PCDH9: variants seen among roughly 807,000 people sequenced by gnomAD.
PCDH9 encodes the protein protocadherin 9, also known as protocadherin-9.
PCDH9 carries 24 observed loss-of-function variants against 70.6 expected under a neutral mutation model. The ratio of observed to expected loss-of-function variants is 0.34; its 90% CI spans 0.25 to 0.48. The LOEUF (loss-of-function observed/expected upper bound fraction) is 0.48. PCDH9 is among the 20% of genes least tolerant of loss of function. The pLI, the probability that PCDH9 is intolerant of heterozygous loss-of-function variation, is 0.99. For synonymous variants in PCDH9, 562 were observed against 558.5 expected (o/e 1.01, Z -0.09); for missense variants, 1,281 against 1,503.6 (o/e 0.85, Z 2.45).
At chr13:67,202,314 G>T (rs1240238528) in intron 2 of PCDH9, 1 of 151,992 alleles carries the variant, frequency 6.6e-6, no homozygotes, top group African/African-American at 2.4e-5. Flanking sequence ...GATGATTATA[G>T]AATTACATAT....
intron 2 of PCDH9, among the ~76,000 whole-genome samples, chr13:67,021,448 T>G (rs2084670290): frequency 6.6e-6 from 1 of 152,244 alleles, no homozygotes; most frequent in Non-Finnish European, 1.5e-5. Context: ...CATAAAAGTT[T>G]TTGATACTAG....
chr13:66,533,204 T>C (rs1398471717), intron 4 of PCDH9, among the ~76,000 whole-genome samples: 1 of 152,134 alleles, frequency 6.6e-6, no homozygotes, highest in African/African-American at 2.4e-5. Flanking sequence ...CATGGGTATA[T>C]TCCAGACTCT....
At chr13:67,150,858 T>C (rs2087639750) in intron 2 of PCDH9, among the ~76,000 whole-genome samples, 1 of 152,200 alleles carries the variant, frequency 6.6e-6, no homozygotes, top group Non-Finnish European at 1.5e-5. Context: ...GCACAGTTAG[T>C]CTTTAATCCC....
At position 66,375,198 on chromosome 13, in the gene PCDH9, T is replaced by TA. The variant is rs565574507; in HGVS notation, c.3341-70171dup. On this transcript the variant is annotated intron_variant, in intron 4 of 4. Transcript: ENST00000377865. ...AAGACAATTTTTCTGTAATTCCATATAATTACTCAGGTGCCTACTGATAAT... is the reference window on the plus strand; with the variant it reads ...AAGACAATTTTTCTGTAATTCCATATAAATTACTCAGGTGCCTACTGATAAT... Among the ~76,000 whole-genome samples the TA allele has an allele frequency of 2.9e-4, 44 of 152,226 alleles. No individual in the cohort carries two copies. In the East Asian group the frequency reaches 6.9e-3, roughly 24 times the overall value.
At chr13:66,554,924 C>T (rs949367580) in intron 4 of PCDH9, among the ~76,000 whole-genome samples, 2 of 152,074 alleles carry the variant, frequency 1.3e-5, no homozygotes. Flanking sequence ...AATCCTAGCA[C>T]TTTGGGAGGC....
At chr13:66,733,111 T>C (rs1381285588) in intron 3 of PCDH9, among the ~76,000 whole-genome samples, 1 of 152,152 alleles carries the variant, frequency 6.6e-6, no homozygotes, top group African/African-American at 2.4e-5. Context: ...TAGATCATTA[T>C]CCTATAAAGA....
At chr13:67,123,873 T>A (rs1215107421) in intron 2 of PCDH9, among the ~76,000 whole-genome samples, 1 of 151,574 alleles carries the variant, frequency 6.6e-6, no homozygotes, top group Admixed American at 6.6e-5. Context: ...GCATGTATAT[T>A]ATATATAAAT....
chr13:67,227,187 T>C lies in PCDH9; in HGVS notation c.1254A>G (p.Gln418=), dbSNP rs777131951. 9.3e-6 allele frequency: 15 copies of C among 1,613,256 alleles called. No homozygotes were observed. The highest frequency in any genetic ancestry group is 1.3e-5 in the African/African-American group (1 of 74,906). The change falls in exon 2 of 5, where the codon CAA becomes CAG. Residue 418 remains glutamine (Q), a synonymous_variant. Coordinates refer to ENST00000377865, the MANE Select transcript of PCDH9 (RefSeq NM_203487.3). This position sits in a 1 kb window ranked among gnomAD's most constrained non-coding sequence, Gnocchi z 4.6. Reference sequence around the variant, plus strand: ...ACAAAGAAGAGGTCTCTAACAAATATTGGTTGTCATATACCGCCTTCAAAT... The same window carrying C: ...ACAAAGAAGAGGTCTCTAACAAATACTGGTTGTCATATACCGCCTTCAAAT... ...PFHLKAVYDN[Q]YLLETSSLLD... is the part of the protein sequence containing the mutation.
chr13:66,990,633 G>A (rs115731302), intron 2 of PCDH9, among the ~76,000 whole-genome samples: 2,771 of 149,382 alleles, frequency 0.019, 84 homozygotes, highest in African/African-American at 0.065. Flanking sequence ...ATAAAAACAT[G>A]TATACATAAA....
At chr13:66,791,598 T>C (rs1284239994) in intron 3 of PCDH9, among the ~76,000 whole-genome samples, 1 of 152,132 alleles carries the variant, frequency 6.6e-6, no homozygotes, top group African/African-American at 2.4e-5. Flanking sequence ...TTTACATACA[T>C]GTAAATAATG....
intron 2 of PCDH9, among the ~76,000 whole-genome samples, chr13:66,910,694 C>G (rs913863170): frequency 6.6e-6 from 1 of 151,994 alleles, no homozygotes; most frequent in African/African-American, 2.4e-5. Flanking sequence ...ATTTAATGGT[C>G]TCTATCATAG....
intron 3 of PCDH9, among the ~76,000 whole-genome samples, chr13:66,858,636 G>A (rs1189389656): frequency 6.6e-6 from 1 of 151,902 alleles, no homozygotes; most frequent in African/African-American, 2.4e-5. Flanking sequence ...ACATATCTTT[G>A]AAGCCTTCTC....
chr13:66,734,105 A>G (rs1022677228), intron 3 of PCDH9, among the ~76,000 whole-genome samples: 11 of 152,168 alleles, frequency 7.2e-5, no homozygotes, highest in Non-Finnish European at 1.5e-5. Context: ...AAAATAAACC[A>G]TATGATTTTA....
At chr13:66,600,625 T>A (rs2077153753) in intron 4 of PCDH9, among the ~76,000 whole-genome samples, 1 of 150,374 alleles carries the variant, frequency 6.7e-6, no homozygotes, top group South Asian at 2.1e-4. Flanking sequence ...TATTGTCATA[T>A]CTGTTTTGTG....
chr13:66,898,515 T>C (rs1474507545), intron 3 of PCDH9, among the ~76,000 whole-genome samples: 2 of 152,032 alleles, frequency 1.3e-5, no homozygotes, highest in African/African-American at 4.8e-5. Context: ...ACTGAACATA[T>C]TTATTTGTGT....
At chr13:66,690,543 T>G (rs1382549507) in intron 3 of PCDH9, among the ~76,000 whole-genome samples, 1 of 152,006 alleles carries the variant, frequency 6.6e-6, no homozygotes, top group Non-Finnish European at 1.5e-5. Flanking sequence ...CAAGGTTTAG[T>G]ACAGAATAAA....
intron 3 of PCDH9, among the ~76,000 whole-genome samples, chr13:66,688,255 C>T (rs183502171): frequency 7.4e-4 from 113 of 152,206 alleles, no homozygotes; most frequent in African/African-American, 2.6e-3. Context: ...TGCCTTCATT[C>T]CTATACCTTT....
chr13:66,541,674 C>G (rs1960963657), intron 4 of PCDH9, among the ~76,000 whole-genome samples: 1 of 152,140 alleles, frequency 6.6e-6, no homozygotes, highest in African/African-American at 2.4e-5. Context: ...ACGGACCACT[C>G]TAACCCAGTG....
intron 3 of PCDH9, among the ~76,000 whole-genome samples, chr13:66,643,524 C>T (rs2077734783): frequency 6.6e-6 from 1 of 151,960 alleles, no homozygotes; most frequent in Non-Finnish European, 1.5e-5. Context: ...GTTAGTCTGT[C>T]CTTTGAAAAC....
Sources: gnomAD v4.1 joint callset for allele counts (sites outside exome capture counted in the v4.1 genomes callset) on GRCh38, gnomAD v4.1.1 for gene constraint, Gnocchi (gnomAD v3.1) non-coding constraint, MANE v1.5 for transcripts, NCBI Gene and HGNC (gene_info 2026-07-23, HGNC 2026-07-21) for gene names.